The following RAPGEFL1 variants were observed in gnomAD, a reference collection of about 807,000 sequenced individuals.
The protein encoded by RAPGEFL1 is rap guanine nucleotide exchange factor-like 1.
A neutral mutation model predicts 64.4 loss-of-function variants in RAPGEFL1; 31 were observed. The ratio of observed to expected loss-of-function variants is 0.48; its 90% confidence interval spans 0.36 to 0.65. RAPGEFL1 has a LOEUF of 0.65. Ranked by LOEUF, RAPGEFL1 falls within the 30% of genes least tolerant of loss-of-function variation. The probability of loss-of-function intolerance (pLI) is 0.00; values close to 1 mark genes in which losing one functional copy is unlikely to be tolerated. For synonymous variants in RAPGEFL1, 331 were observed against 274.1 expected (o/e 1.21, Z -2.05); for missense variants, 682 against 677.4 (o/e 1.01, Z -0.08).
rs911738001 is a variant in RAPGEFL1 at position 40,195,107 on chromosome 17, A to C, written c.*1319A>C. 1 of 152,502 alleles carries C rather than the reference A, an allele frequency of 6.6e-6. No homozygotes were observed. The highest frequency in any genetic ancestry group is 2.4e-5 in the African/African-American group (1 of 41,464). 9.4% of individuals were successfully genotyped at this position (152,502 alleles called of 1,614,324 possible). A position where few individuals can be genotyped will look rare whatever the true frequency, so the allele number is the denominator to read the frequency against. On this transcript the variant is annotated 3_prime_UTR_variant, in exon 15 of 15. Transcript: ENST00000620260. ...AGCAAAAGCAGCTGCTGCTCCTGCTATGAGGGTGTATATATTTTTTACCCA... is the reference window on the plus strand; with the variant it reads ...AGCAAAAGCAGCTGCTGCTCCTGCTCTGAGGGTGTATATATTTTTTACCCA...
At position 40,178,255 on chromosome 17, in the gene RAPGEFL1, T is replaced by A. The variant is rs763615750; in HGVS notation, c.394T>A (p.Ser132Thr). Residue 132 changes from serine to threonine, a missense_variant, in exon 1 of 15, where the codon TCC becomes ACC. Around this residue, in one of 2 missense-constraint regions of RAPGEFL1, gnomAD observed 271 missense variants for 158.0 expected, o/e 1.72. Coordinates refer to ENST00000620260, the MANE Select transcript of RAPGEFL1 (RefSeq NM_016339.6). The part of the protein sequence containing the change: ...SPSSYSSDEL[S>T]PGEPLTSPPW... ...TTCCTCCTACTCATCTGACGAGCTG[T>A]CCCCAGGCGAGCCCTTGACTTCGCC... 1 of 647,304 alleles carries A rather than the reference T, an allele frequency of 1.5e-6. No homozygotes were observed. Among genetic ancestry groups the A allele is most frequent in the South Asian group, 1.6e-5 (1 of 61,884 alleles). The allele number at this position is 647,304 out of a possible 1,614,324, so 40.1% of individuals were successfully genotyped here. A position where few individuals can be genotyped will look rare whatever the true frequency, so the allele number is the denominator to read the frequency against.
chr17:40,186,622 G>A (rs566829792), intron 4 of RAPGEFL1, among the ~76,000 whole-genome samples: 1 of 145,814 alleles, frequency 6.9e-6, no homozygotes, highest in Non-Finnish European at 1.5e-5. Context: ...GGTGGGCTGG[G>A]TGTGGTGGCT....
chr17:40,191,806 C>A lies in RAPGEFL1; in HGVS notation c.1605+134C>A. On this transcript the variant is annotated intron_variant, in intron 10 of 14. Transcript: ENST00000620260. The surrounding 1 kb of genome is among the most constrained non-coding windows in gnomAD (Gnocchi z 5.1). ...GAGGGAGGCGCCCTCTTCTGGCATA[C>A]GCAACCCCAGGGCGCACAGCTTGGC... 1 of 872,112 alleles carries A rather than the reference C, an allele frequency of 1.1e-6. No homozygotes were observed. Among genetic ancestry groups the A allele is most frequent in the Non-Finnish European group, 1.8e-6 (1 of 551,316 alleles). The allele number at this position is 872,112 out of a possible 1,614,324, so 54.0% of individuals were successfully genotyped here.
chr17:40,180,046 A>G (rs931882568), intron 1 of RAPGEFL1, among the ~76,000 whole-genome samples: 1 of 152,180 alleles, frequency 6.6e-6, no homozygotes, highest in South Asian at 2.1e-4. Context: ...CAGATGCCCA[A>G]CTGTGGCCCC....
chr17:40,186,806 A>G (rs2145212995), intron 4 of RAPGEFL1, among the ~76,000 whole-genome samples: 1 of 150,680 alleles, frequency 6.6e-6, no homozygotes, highest in Middle Eastern at 3.4e-3. Flanking sequence ...AGGCAGGAGA[A>G]TTGCTTGAAT....
chr17:40,179,667 C>T (rs1205989078), intron 1 of RAPGEFL1, among the ~76,000 whole-genome samples: 1 of 152,174 alleles, frequency 6.6e-6, no homozygotes, highest in Non-Finnish European at 1.5e-5. Flanking sequence ...AGGTAGAAGA[C>T]CGAGGGTTCT....
chr17:40,188,683 G>A (rs1990158611), intron 4 of RAPGEFL1, 183 bp from the exon 5 acceptor site: 1 of 604,206 alleles, frequency 1.7e-6, no homozygotes, highest in Non-Finnish European at 3.0e-6. Context: ...CATTTGATTA[G>A]GGTTACTTGG....
chr17:40,183,860 T>G (rs1989975096), intron 2 of RAPGEFL1, among the ~76,000 whole-genome samples: 1 of 127,334 alleles, frequency 7.9e-6, no homozygotes, highest in Non-Finnish European at 1.6e-5. Context: ...TTTTTTTTTT[T>G]TGAGACAGAG....
intron 2 of RAPGEFL1, among the ~76,000 whole-genome samples, chr17:40,183,410 A>G (rs549130776): frequency 1.1e-4 from 16 of 152,038 alleles, no homozygotes; most frequent in African/African-American, 3.9e-4. Flanking sequence ...GGGCTGGGGC[A>G]TGAGGAGGTC....
At chr17:40,185,326 G>T (rs943681647) in intron 4 of RAPGEFL1, among the ~76,000 whole-genome samples, 2 of 152,110 alleles carry the variant, frequency 1.3e-5, no homozygotes, top group African/African-American at 2.4e-5. Context: ...GAGGAGTTGG[G>T]AAGAGACATG....
rs767889139 is a variant in RAPGEFL1 at position 40,191,533 on chromosome 17, G to C, written c.1514+39G>C. On this transcript the variant is annotated intron_variant, in intron 9 of 14. Coordinates refer to ENST00000620260, the MANE Select transcript of RAPGEFL1 (RefSeq NM_016339.6). This position sits in a 1 kb window ranked among gnomAD's most constrained non-coding sequence, Gnocchi z 5.1. ...TCGGCGGGATGGGGGGCCGGAGGCC[G>C]GAGGCCCGCGCCGCCGCCCGCCCCT... 1.3e-5 allele frequency: 20 copies of C among 1,562,402 alleles called. No individual in the cohort carries two copies. Among genetic ancestry groups the C allele is most frequent in the Admixed American group, 3.9e-5 (2 of 51,624 alleles).
rs1474737846 is a variant in RAPGEFL1 at position 40,191,078 on chromosome 17, G to A, written c.1336-238G>A. 8.4e-6 allele frequency: 5 copies of A among 593,370 alleles called. No individual in the cohort carries two copies. The African/African-American group carries it at 9.4e-5, about 11-fold the overall frequency. 36.8% of individuals were successfully genotyped at this position (593,370 alleles called of 1,614,324 possible). On this transcript the variant is annotated intron_variant, in intron 8 of 14. Coordinates refer to ENST00000620260, the MANE Select transcript of RAPGEFL1 (RefSeq NM_016339.6). This position sits in a 1 kb window ranked among gnomAD's most constrained non-coding sequence, Gnocchi z 5.1. ...GCAGATGGTTGTCTTGAGGATGTCA[G>A]CCGTGAGCGAATGCCTGGCACCTAG...
Position 40,191,352 on chromosome 17 carries a change from G to C in RAPGEFL1, c.1372G>C (p.Gly458Arg), listed in dbSNP as rs890742600. The C allele has an allele frequency of 1.3e-6, 2 of 1,591,602 alleles. No individual in the cohort carries two copies. Among genetic ancestry groups the C allele is most frequent in the Admixed American group, 3.4e-5 (2 of 58,220 alleles). The change falls in exon 9 of 15, where the codon GGC becomes CGC. Residue 458 changes from glycine (G) to arginine (R), a missense_variant. Physicochemically the swap from Gly to Arg is moderately radical, Grantham distance 125. Transcript: ENST00000620260. The surrounding 1 kb of genome is among the most constrained non-coding windows in gnomAD (Gnocchi z 5.1). ...FVDYVFHGER[G>R]RRETANLELL... Reference sequence around the variant, plus strand: ...GGACTACGTGTTCCACGGGGAGCGCGGCCGCCGGGAGACGGCCAACTTGGA... The same window carrying C: ...GGACTACGTGTTCCACGGGGAGCGCCGCCGCCGGGAGACGGCCAACTTGGA...
intron 1 of RAPGEFL1, among the ~76,000 whole-genome samples, chr17:40,179,024 G>T (rs1353593912): frequency 1.3e-5 from 2 of 152,002 alleles, no homozygotes; most frequent in African/African-American, 4.8e-5. Flanking sequence ...GTGTCCAAGC[G>T]CCTCCAGCTT....
intron 3 of RAPGEFL1, 115 bp from the exon 4 acceptor site, chr17:40,184,465 CT>C: frequency 8.4e-7 from 1 of 1,187,136 alleles, no homozygotes; most frequent in Non-Finnish European, 1.2e-6. Context: ...GCCAGGGGGC[CT>C]TAGCTTATAT....
At chr17:40,180,479 C>T (rs1014160737) in intron 1 of RAPGEFL1, among the ~76,000 whole-genome samples, 1 of 152,102 alleles carries the variant, frequency 6.6e-6, no homozygotes, top group Non-Finnish European at 1.5e-5. Flanking sequence ...TGGTCTCCTC[C>T]CAGGGTGTGT....
intron 2 of RAPGEFL1, among the ~76,000 whole-genome samples, chr17:40,182,169 T>C (rs1299540872): frequency 1.3e-5 from 2 of 152,098 alleles, no homozygotes; most frequent in Non-Finnish European, 2.9e-5. Context: ...TTACCTAACC[T>C]CATGGGGACT....
intron 6 of RAPGEFL1, 110 bp downstream of exon 6, chr17:40,189,485 G>A: frequency 7.9e-7 from 1 of 1,260,642 alleles, no homozygotes; most frequent in Non-Finnish European, 1.1e-6. Flanking sequence ...CTCAAAGTAT[G>A]GTCCCGGGAC....
intron 1 of RAPGEFL1, among the ~76,000 whole-genome samples, chr17:40,181,018 C>T (rs1194235700): frequency 6.6e-6 from 1 of 152,238 alleles, no homozygotes; most frequent in East Asian, 1.9e-4. Flanking sequence ...AGCCGCTCCC[C>T]TTCACCATTC....
Sources: gnomAD v4.1 joint callset for allele counts (sites outside exome capture counted in the v4.1 genomes callset) on GRCh38, gnomAD v4.1.1 for gene constraint, gnomAD v4.1.1 regional missense constraint, Gnocchi (gnomAD v3.1) non-coding constraint, MANE v1.5 for transcripts, NCBI Gene and HGNC (gene_info 2026-07-23, HGNC 2026-07-21) for gene names.